Variants in CBX5 observed in about 807,000 individuals in gnomAD.
The protein encoded by CBX5 is chromobox protein homolog 5.
Under a neutral mutation model 20.7 loss-of-function variants are expected in CBX5, and 7 were observed. That is an observed-to-expected ratio of 0.34 (90% CI 0.19 to 0.63). The LOEUF is 0.63. Ranked by LOEUF, CBX5 falls within the 30% of genes least tolerant of loss-of-function variation. The pLI is 0.75. For synonymous variants in CBX5, 78 were observed against 77.0 expected (o/e 1.01, Z -0.07); for missense variants, 110 against 224.1 (o/e 0.49, Z 3.25).
chr12:54,269,543 C>T (rs929941465), intron 1 of CBX5, among the ~76,000 whole-genome samples: 1 of 152,024 alleles, frequency 6.6e-6, no homozygotes, highest in Admixed American at 6.6e-5. Context: ...AGCACACCAC[C>T]ATGCCTGGCT....
At chr12:54,265,370 A>G (rs1592162507) in intron 1 of CBX5, among the ~76,000 whole-genome samples, 1 of 152,246 alleles carries the variant, frequency 6.6e-6, no homozygotes, top group Non-Finnish European at 1.5e-5. Context: ...AATATCCCCT[A>G]TAAAGATGTT....
At chr12:54,242,132 C>A (rs1268070571) in intron 4 of CBX5, among the ~76,000 whole-genome samples, 1 of 152,068 alleles carries the variant, frequency 6.6e-6, no homozygotes, top group African/African-American at 2.4e-5. Context: ...TAGATGTAAA[C>A]CATGGTGGGC....
At chr12:54,266,976 A>C (rs1943963301) in intron 1 of CBX5, among the ~76,000 whole-genome samples, 1 of 152,212 alleles carries the variant, frequency 6.6e-6, no homozygotes, top group African/African-American at 2.4e-5. Context: ...TTGTTTCAAG[A>C]TTTATGAGAA....
At chr12:54,252,592 C>A (rs1179525603) in intron 2 of CBX5, 1 of 185,596 alleles carries the variant, frequency 5.4e-6, no homozygotes, top group African/African-American at 2.4e-5. Flanking sequence ...CTTGGAAGAA[C>A]CCCAAAAACA....
intron 1 of CBX5, chr12:54,276,624 T>C (rs1172246722): frequency 6.6e-6 from 1 of 152,202 alleles, no homozygotes; most frequent in Non-Finnish European, 1.5e-5. Flanking sequence ...CAATCAAAGT[T>C]GGCATGATTT....
At chr12:54,255,334 C>T (rs1055779807) in intron 2 of CBX5, among the ~76,000 whole-genome samples, 5 of 151,646 alleles carry the variant, frequency 3.3e-5, no homozygotes, top group East Asian at 1.9e-4. Context: ...CTGAGGTGGG[C>T]GAATCACAAG....
chr12:54,268,377 T>C (rs148573055), intron 1 of CBX5, among the ~76,000 whole-genome samples: 2 of 152,364 alleles, frequency 1.3e-5, no homozygotes, highest in East Asian at 3.9e-4. Context: ...AAGTGTGCTC[T>C]AAACTTCAGC....
chr12:54,263,243 C>G (rs1943927577), intron 1 of CBX5, among the ~76,000 whole-genome samples: 1 of 151,900 alleles, frequency 6.6e-6, no homozygotes, highest in Admixed American at 6.6e-5. Context: ...CACCTGTTAT[C>G]TCAGCTACTT....
chr12:54,233,638 T>G lies in CBX5; in HGVS notation c.*8117A>C, dbSNP rs1443277460. ...TGATTTATCAACACATACAGTAAAA[T>G]GTTCACTAGGGGCCGGGTGCGGTGG... On this transcript the variant is annotated 3_prime_UTR_variant, in exon 5 of 5. Coordinates refer to ENST00000209875, the MANE Select transcript of CBX5 (RefSeq NM_012117.3). The G allele has an allele frequency of 6.6e-6, 1 of 152,146 alleles. No individual in the cohort carries two copies. Among genetic ancestry groups the G allele is most frequent in the Non-Finnish European group, 1.5e-5 (1 of 68,036 alleles). 9.4% of individuals were successfully genotyped at this position (152,146 alleles called of 1,614,324 possible).
rs573030982 is a variant in CBX5, at chr12:54,268,166, A to G, written c.-42-10474T>C. 3.9e-5 allele frequency among the ~76,000 whole-genome samples: 6 copies of G among 152,166 alleles called. No individual in the cohort carries two copies. In the South Asian group the frequency reaches 1.2e-3, roughly 32 times the overall value. ...CTCAAACAAACAACAACAAAAATAC[A>G]AGGGTATCCTTGGCAGCTCCTGGGC... On this transcript the variant is annotated intron_variant, in intron 1 of 4. Transcript: ENST00000209875.
In CBX5 at chr12:54,236,131, T is replaced by C. The variant is rs1343874807; in HGVS notation, c.*5624A>G. 6.6e-6 allele frequency: 1 copy of C among 152,252 alleles called. No homozygotes were observed. The highest frequency in any genetic ancestry group is 1.9e-4 in the East Asian group (1 of 5,204). The allele number at this position is 152,252 out of a possible 1,614,324, so 9.4% of individuals were successfully genotyped here. A position where few individuals can be genotyped will look rare whatever the true frequency, so the allele number is the denominator to read the frequency against. ...TTCCACATATAGGCCGAAATTAATG[T>C]CAACTTCTTACTCCAGGGCTACAAA... is the stretch of plus-strand genomic sequence containing the variant. On this transcript the variant is annotated 3_prime_UTR_variant, in exon 5 of 5. Transcript: ENST00000209875.
chr12:54,244,969 T>G (rs1189100260), intron 4 of CBX5, among the ~76,000 whole-genome samples: 1 of 151,920 alleles, frequency 6.6e-6, no homozygotes, highest in African/African-American at 2.4e-5. Flanking sequence ...TTCAGAACTG[T>G]GTAAACAAGT....
At position 54,240,825 on chromosome 12, in the gene CBX5, G is replaced by A. The variant is rs1592152981; in HGVS notation, c.*930C>T. 6.6e-6 allele frequency: 1 copy of A among 152,136 alleles called. No homozygotes were observed. Among genetic ancestry groups the A allele is most frequent in the Middle Eastern group, 3.4e-3 (1 of 294 alleles). The allele number at this position is 152,136 out of a possible 1,614,324, so 9.4% of individuals were successfully genotyped here. A position where few individuals can be genotyped will look rare whatever the true frequency, so the allele number is the denominator to read the frequency against. On this transcript the variant is annotated 3_prime_UTR_variant, in exon 5 of 5. Coordinates refer to ENST00000209875, the MANE Select transcript of CBX5 (RefSeq NM_012117.3). The stretch of plus-strand genomic sequence containing the variant: ...CCACAAAAGTTGGCAGGGTTGGAGG[G>A]TGCCTAGCACCTTGGCACAAGCAAG...
chr12:54,244,480 G>C (rs539883905), intron 4 of CBX5, among the ~76,000 whole-genome samples: 1 of 151,940 alleles, frequency 6.6e-6, no homozygotes, highest in Admixed American at 6.5e-5. Context: ...GCTCACACCT[G>C]TAATCCCAGC....
In CBX5 at chr12:54,233,455, C is replaced by G. The variant is rs1943589005; in HGVS notation, c.*8300G>C. ...ATCCAATCCTAAAGCTACCGGAAAC[C>G]AGAACACTGACTTGAGCCTTAAGAG... On this transcript the variant is annotated 3_prime_UTR_variant, in exon 5 of 5. Coordinates refer to ENST00000209875, the MANE Select transcript of CBX5 (RefSeq NM_012117.3). 6.6e-6 allele frequency: 1 copy of G among 152,168 alleles called. No homozygotes were observed. Among genetic ancestry groups the G allele is most frequent in the Admixed American group, 6.5e-5 (1 of 15,280 alleles). 9.4% of individuals were successfully genotyped at this position (152,168 alleles called of 1,614,324 possible).
chr12:54,249,908 C>T (rs1943776199), intron 3 of CBX5, among the ~76,000 whole-genome samples: 1 of 151,960 alleles, frequency 6.6e-6, no homozygotes, highest in South Asian at 2.1e-4. Context: ...AATATAAATG[C>T]CACTGAACTG....
chr12:54,244,167 ATTTT>A (rs924975480), intron 4 of CBX5, among the ~76,000 whole-genome samples: 3 of 140,100 alleles, frequency 2.1e-5, no homozygotes, highest in African/African-American at 7.8e-5. Flanking sequence ...AAGCCTGGCT[ATTTT>A]TTTTTTTTAT....
chr12:54,269,322 G>A (rs1421081168), intron 1 of CBX5, among the ~76,000 whole-genome samples: 1 of 152,158 alleles, frequency 6.6e-6, no homozygotes, highest in South Asian at 2.1e-4. Context: ...GGAAGAGTTT[G>A]TTGTATAAAA....
intron 3 of CBX5, among the ~76,000 whole-genome samples, chr12:54,247,254 A>G (rs917267848): frequency 1.8e-5 from 2 of 111,122 alleles, no homozygotes; most frequent in African/African-American, 8.9e-5. Context: ...AAAAGAAAAC[A>G]AAAACAAAAA....
Sources: allele counts gnomAD v4.1 joint callset (sites outside exome capture counted in the v4.1 genomes callset), GRCh38; gene constraint gnomAD v4.1.1; transcripts MANE v1.5; gene names NCBI Gene and HGNC (gene_info 2026-07-23, HGNC 2026-07-21).